Variants in BTBD9 observed in about 807,000 individuals in gnomAD.
BTBD9 encodes the protein BTB/POZ domain-containing protein 9.
BTBD9 carries 49 observed loss-of-function variants against 64.3 expected under a neutral mutation model. The ratio of observed to expected loss-of-function variants is 0.76; its 90% CI spans 0.61 to 0.97. The LOEUF is 0.97. Ranked by LOEUF, BTBD9 falls within the 50% of genes least tolerant of loss-of-function variation. The pLI is 0.00. For synonymous variants in BTBD9, 260 were observed against 274.7 expected (o/e 0.95, Z 0.53); for missense variants, 598 against 762.1 (o/e 0.78, Z 2.53).
intron 6 of BTBD9, among the ~76,000 whole-genome samples, chr6:38,411,320 A>C (rs908988658): frequency 3.3e-5 from 5 of 152,244 alleles, no homozygotes; most frequent in Admixed American, 2.0e-4. Context: ...CTCTATAAAT[A>C]AAATAATGTA....
In BTBD9 at chr6:38,511,051, C is replaced by T. The variant is rs143970579; in HGVS notation, c.1154+66549G>A. ...AGCATCACCACAAACACATGAGTAA[C>T]GTGTAATACTACAATGTTATGATGG... On this transcript the variant is annotated intron_variant, in intron 6 of 10. Coordinates refer to ENST00000481247, the MANE Select transcript of BTBD9 (RefSeq NM_001099272.2). Among the ~76,000 whole-genome samples the T allele has an allele frequency of 7.9e-5, 12 of 152,230 alleles. No individual in the cohort carries two copies. In the East Asian group the frequency reaches 2.1e-3, roughly 27 times the overall value.
chr6:38,208,619 T>C (rs1483622830), intron 9 of BTBD9, among the ~76,000 whole-genome samples: 1 of 152,198 alleles, frequency 6.6e-6, no homozygotes, highest in Non-Finnish European at 1.5e-5. Context: ...AAGAGCTTCC[T>C]TGGCCCCAGA....
chr6:38,402,822 C>T (rs2127239190), intron 6 of BTBD9: 2 of 700,984 alleles, frequency 2.9e-6, no homozygotes, highest in East Asian at 5.4e-5. Flanking sequence ...AATACCTGCA[C>T]TTTGGAAGGC....
At chr6:38,505,376 G>C (rs1772423936) in intron 6 of BTBD9, among the ~76,000 whole-genome samples, 1 of 152,140 alleles carries the variant, frequency 6.6e-6, no homozygotes, top group Non-Finnish European at 1.5e-5. Context: ...TGTCATCCCA[G>C]CACTTTGGGA....
At chr6:38,351,406 T>C (rs1764500878) in intron 6 of BTBD9, among the ~76,000 whole-genome samples, 1 of 151,872 alleles carries the variant, frequency 6.6e-6, no homozygotes, top group African/African-American at 2.4e-5. Flanking sequence ...AGAAAACTCA[T>C]ACTATATAGA....
intron 6 of BTBD9, among the ~76,000 whole-genome samples, chr6:38,473,387 T>C (rs1054029776): frequency 6.6e-6 from 1 of 152,250 alleles, no homozygotes; most frequent in Non-Finnish European, 1.5e-5. Context: ...TTTTTTCCAA[T>C]GGATTATCCA....
intron 6 of BTBD9, among the ~76,000 whole-genome samples, chr6:38,396,249 T>C (rs1213468074): frequency 6.6e-6 from 1 of 152,214 alleles, no homozygotes; most frequent in African/African-American, 2.4e-5. Flanking sequence ...CTGGCTACAT[T>C]GTTCTTGTTT....
intron 8 of BTBD9, among the ~76,000 whole-genome samples, chr6:38,286,602 GA>G (rs1198457337): frequency 2.0e-5 from 3 of 152,062 alleles, no homozygotes; most frequent in Non-Finnish European, 4.4e-5. Context: ...GAAGAGAAGA[GA>G]AAAAGCAGCT....
At chr6:38,598,161 G>C in intron 1 of BTBD9, 40 bp from the exon 2 acceptor site, 1 of 1,455,096 alleles carries the variant, frequency 6.9e-7, no homozygotes, top group Non-Finnish European at 9.4e-7. Flanking sequence ...TTGGGGGAGG[G>C]GAGTACACAT....
Position 38,171,846 on chromosome 6 carries a change from C to CCAAAAAA in BTBD9, c.*3138_*3139insTTTTTTG, listed in dbSNP as rs1401971333. ...TCCAATGAAGTTGCCTTTCTACTCT[C>CCAAAAAA]AAAAAAAAAAAAAAAAAAAAAAAAA... On this transcript the variant is annotated 3_prime_UTR_variant, in exon 11 of 11. Coordinates refer to ENST00000481247, the MANE Select transcript of BTBD9 (RefSeq NM_001099272.2). 1.3e-5 allele frequency: 1 copy of CCAAAAAA among 79,238 alleles called. No homozygotes were observed. The highest frequency in any genetic ancestry group is 5.5e-5 in the African/African-American group (1 of 18,304). The allele number at this position is 79,238 out of a possible 1,614,324, so 4.9% of individuals were successfully genotyped here.
intron 6 of BTBD9, among the ~76,000 whole-genome samples, chr6:38,445,616 T>C (rs1172278723): frequency 3.3e-5 from 5 of 152,178 alleles, no homozygotes; most frequent in African/African-American, 9.6e-5. Context: ...ATTCCTAAAA[T>C]AGACTTGTTA....
At chr6:38,444,662 G>A (rs1463145167) in intron 6 of BTBD9, among the ~76,000 whole-genome samples, 2 of 152,126 alleles carry the variant, frequency 1.3e-5, no homozygotes, top group Non-Finnish European at 2.9e-5. Flanking sequence ...ATAAAATGGG[G>A]ATAAAAAGGG....
chr6:38,359,226 C>G (rs975325382), intron 6 of BTBD9, among the ~76,000 whole-genome samples: 1 of 152,218 alleles, frequency 6.6e-6, no homozygotes, highest in African/African-American at 2.4e-5. Context: ...AGTTGCTCCT[C>G]CTACGCCACC....
At chr6:38,472,249 A>G (rs1442799058) in intron 6 of BTBD9, among the ~76,000 whole-genome samples, 1 of 152,180 alleles carries the variant, frequency 6.6e-6, no homozygotes, top group African/African-American at 2.4e-5. Flanking sequence ...AATATATAAC[A>G]TATTTTTAGC....
chr6:38,581,394 C>T (rs1423278251), intron 4 of BTBD9, among the ~76,000 whole-genome samples: 1 of 151,928 alleles, frequency 6.6e-6, no homozygotes, highest in Non-Finnish European at 1.5e-5. Flanking sequence ...AAAACAAGAT[C>T]GTTTAAAAAA....
chr6:38,593,504 A>C (rs545620658), intron 3 of BTBD9, among the ~76,000 whole-genome samples: 10 of 152,310 alleles, frequency 6.6e-5, no homozygotes, highest in Non-Finnish European at 1.2e-4. Context: ...AAACAGTTTT[A>C]CTCTAGCTAT....
In BTBD9 at chr6:38,182,208, T is replaced by C. The variant is rs148299794; in HGVS notation, c.1642-7026A>G. ...ACAATATCATTTTCTCATATTCACATAGGCCAGGATATCCACAGATAATTG... is the reference window on the plus strand; with the variant it reads ...ACAATATCATTTTCTCATATTCACACAGGCCAGGATATCCACAGATAATTG... On this transcript the variant is annotated intron_variant, in intron 10 of 10. Coordinates refer to ENST00000481247, the MANE Select transcript of BTBD9 (RefSeq NM_001099272.2). 7.6e-3 allele frequency among the ~76,000 whole-genome samples: 1,164 copies of C among 152,248 alleles called. 8 individuals carry two copies. The highest frequency in any genetic ancestry group is 0.013 in the Non-Finnish European group (859 of 68,012).
chr6:38,467,168 G>T (rs568977541), intron 6 of BTBD9, among the ~76,000 whole-genome samples: 2 of 152,112 alleles, frequency 1.3e-5, no homozygotes, highest in Non-Finnish European at 2.9e-5. Context: ...AGAATTAAAA[G>T]AAATTATTAA....
At chr6:38,454,724 G>T (rs1222696049) in intron 6 of BTBD9, among the ~76,000 whole-genome samples, 2 of 151,434 alleles carry the variant, frequency 1.3e-5, no homozygotes, top group Non-Finnish European at 2.9e-5. Flanking sequence ...TTGAGCCCAG[G>T]GGCTTGAGGC....
Sources: gnomAD v4.1 joint callset for allele counts (sites outside exome capture counted in the v4.1 genomes callset) on GRCh38, gnomAD v4.1.1 for gene constraint, MANE v1.5 for transcripts, NCBI Gene and HGNC (gene_info 2026-07-23, HGNC 2026-07-21) for gene names.